Variants in USP1 observed in about 807,000 individuals in gnomAD.
USP1 encodes ubiquitin specific peptidase 1.
USP1 carries 18 observed loss-of-function variants against 72.2 expected under a neutral mutation model. The observed-to-expected ratio is 0.25, with a 90% confidence interval of 0.17 to 0.37. The LOEUF is 0.37. USP1 is among the 10% of genes least tolerant of loss of function. USP1 has a pLI of 1.00. For missense variants in USP1, 759 were observed against 884.9 expected, an observed-to-expected ratio of 0.86 and a Z score of 1.81; for synonymous variants, 354 against 303.7, an observed-to-expected ratio of 1.17 and a Z score of -1.72.
Position 62,451,132 on chromosome 1 carries a change from A to G in USP1, c.*151A>G. ...TTATATAAATAGTGAAATTTGAATT[A>G]CTGAAAACCATGTTAATTTTTAGAA... On this transcript the variant is annotated 3_prime_UTR_variant, in exon 9 of 9. Transcript: ENST00000339950. The G allele has an allele frequency of 1.3e-6, 1 of 792,126 alleles. No homozygotes were observed. The highest frequency in any genetic ancestry group is 1.8e-6 in the Non-Finnish European group (1 of 553,196). 49.1% of individuals were successfully genotyped at this position (792,126 alleles called of 1,614,324 possible). A position where few individuals can be genotyped will look rare whatever the true frequency, so the allele number is the denominator to read the frequency against.
intron 5 of USP1, 142 bp from the exon 6 acceptor site, chr1:62,444,596 C>A: frequency 3.2e-6 from 2 of 634,280 alleles, no homozygotes; most frequent in Non-Finnish European, 4.7e-6. Flanking sequence ...ATAAGAAATT[C>A]CAAATTAGTG....
At chr1:62,440,920 C>T (rs780140182) in intron 2 of USP1, among the ~76,000 whole-genome samples, 3 of 151,868 alleles carry the variant, frequency 2.0e-5, no homozygotes, top group African/African-American at 7.3e-5. Context: ...TTCCTGGGCT[C>T]GAGCAGTCCT....
chr1:62,438,237 CCA>C (rs1177622973), intron 1 of USP1, among the ~76,000 whole-genome samples: 2 of 151,986 alleles, frequency 1.3e-5, no homozygotes, highest in African/African-American at 4.8e-5. Context: ...GGTTTGAGAT[CCA>C]GTTTCTGTCA....
rs1177815216 is a variant in USP1, at chr1:62,445,275, A to C, written c.1095A>C (p.Gln365His). 3.1e-6 allele frequency: 5 copies of C among 1,613,388 alleles called. No individual in the cohort carries two copies. The highest frequency in any genetic ancestry group is 4.2e-6 in the Non-Finnish European group (5 of 1,179,836). ...FCSLGKITTN[Q>H]GVKGQSKENE... ...GTCTGGGAAAAATAACAACAAACCA[A>C]GGAGTCAAAGGACAATCTAAAGAAA... The change falls in exon 6 of 9, where the codon CAA (glutamine) becomes CAC (histidine). Residue 365 changes from glutamine (Q) to histidine (H), a missense_variant. Physicochemically the swap from Gln to His is conservative, Grantham distance 24. This residue lies in a region of USP1 where 245 missense variants were observed against 240.7 expected (regional missense o/e 1.02). Transcript: ENST00000339950.
chr1:62,443,629 G>A (rs545209343), intron 5 of USP1, among the ~76,000 whole-genome samples: 2 of 152,044 alleles, frequency 1.3e-5, no homozygotes, highest in Non-Finnish European at 2.9e-5. Context: ...ATATCAAGTC[G>A]GTGATAAATA....
At chr1:62,438,911 G>T (rs562924021) in intron 1 of USP1, among the ~76,000 whole-genome samples, 1 of 152,064 alleles carries the variant, frequency 6.6e-6, no homozygotes, top group Non-Finnish European at 1.5e-5. Flanking sequence ...TTTTTATCAC[G>T]GTCTCAACTT....
At position 62,450,528 on chromosome 1, in the gene USP1, G is replaced by A. The variant is rs1334791824; in HGVS notation, c.1905G>A (p.Val635=). The A allele has an allele frequency of 1.2e-6, 2 of 1,613,806 alleles. No individual in the cohort carries two copies. The highest frequency in any genetic ancestry group is 1.7e-5 in the Admixed American group (1 of 59,998). Residue 635 remains valine (V), a synonymous_variant, in exon 9 of 9, where the codon GTG becomes GTA. Transcript: ENST00000339950. ...EPLNEEEARG[V]VENYNDEEVS... ...TGAATGAGGAGGAAGCAAGGGGTGT[G>A]GTTGAGAATTATAATGATGAAGAAG...
In USP1 at chr1:62,437,275, G is replaced by T; in HGVS notation, c.-195G>T. On this transcript the variant is annotated 5_prime_UTR_variant, in exon 1 of 9. Transcript: ENST00000339950. ...CACTCCCCCGCGGGGAGGGCGAGCC[G>T]ACCAGATTTTCCTGGGGCCGGGGAC... is the stretch of plus-strand genomic sequence containing the variant. 2.5e-6 allele frequency: 1 copy of T among 397,724 alleles called. No homozygotes were observed. The highest frequency in any genetic ancestry group is 1.4e-4 in the South Asian group (1 of 7,286). 24.6% of individuals were successfully genotyped at this position (397,724 alleles called of 1,614,324 possible). A position where few individuals can be genotyped will look rare whatever the true frequency, so the allele number is the denominator to read the frequency against.
intron 1 of USP1, among the ~76,000 whole-genome samples, chr1:62,438,189 A>G (rs994810160): frequency 2.0e-5 from 3 of 152,074 alleles, no homozygotes; most frequent in Non-Finnish European, 4.4e-5. Context: ...TCACCTGCCT[A>G]ATCATTCTTC....
In USP1 at chr1:62,451,188, A is replaced by C; in HGVS notation, c.*207A>C. The C allele has an allele frequency of 2.2e-6, 1 of 450,608 alleles. No individual in the cohort carries two copies. The highest frequency in any genetic ancestry group is 3.7e-6 in the Non-Finnish European group (1 of 272,354). The allele number at this position is 450,608 out of a possible 1,614,324, so 27.9% of individuals were successfully genotyped here. On this transcript the variant is annotated 3_prime_UTR_variant, in exon 9 of 9. Transcript: ENST00000339950. ...TTTCCTCAGTAGAGACTAGTGATGC[A>C]TTAGCTTCTGGGAACAAACTTGTAT...
chr1:62,437,332 G>A lies in USP1; in HGVS notation c.-138G>A, dbSNP rs2149203032. On this transcript the variant is annotated 5_prime_UTR_variant, in exon 1 of 9. Coordinates refer to ENST00000339950, the MANE Select transcript of USP1 (RefSeq NM_003368.5). Reference sequence around the variant, plus strand: ...GGCTCGGGGCAGGGACTCACCTGTCGCACCCACACTCATTCGGGTTGGACT... The same window carrying A: ...GGCTCGGGGCAGGGACTCACCTGTCACACCCACACTCATTCGGGTTGGACT... 2.5e-6 allele frequency: 1 copy of A among 395,724 alleles called. No homozygotes were observed. Among genetic ancestry groups the A allele is most frequent in the East Asian group, 3.6e-5 (1 of 27,958 alleles). The allele number at this position is 395,724 out of a possible 1,614,324, so 24.5% of individuals were successfully genotyped here.
At chr1:62,441,000 G>T (rs987791732) in intron 2 of USP1, among the ~76,000 whole-genome samples, 4 of 143,836 alleles carry the variant, frequency 2.8e-5, no homozygotes, top group African/African-American at 1.1e-4. Flanking sequence ...TTAAGTGAGG[G>T]ATAGCTACAT....
chr1:62,450,839 G>A lies in USP1; in HGVS notation c.2216G>A (p.Ser739Asn). 6.2e-7 allele frequency: 1 copy of A among 1,614,068 alleles called. No individual in the cohort carries two copies. The highest frequency in any genetic ancestry group is 8.5e-7 in the Non-Finnish European group (1 of 1,179,990). ...AACAAAATTTCATACGTAGTGCAAAGCTTAAAGGAGTATGAGGGGAAGTGG... is the reference window on the plus strand; with the variant it reads ...AACAAAATTTCATACGTAGTGCAAAACTTAAAGGAGTATGAGGGGAAGTGG... ...FENKISYVVQ[S>N]LKEYEGKWLL... The change falls in exon 9 of 9, where the codon AGC becomes AAC. Residue 739 changes from serine (S) to asparagine (N), a missense_variant. By Grantham distance (46) the Ser-to-Asn change is conservative (BLOSUM62 1). Coordinates refer to ENST00000339950, the MANE Select transcript of USP1 (RefSeq NM_003368.5).
At chr1:62,441,221 TCTA>T (rs1645132160) in intron 2 of USP1, among the ~76,000 whole-genome samples, 1 of 152,208 alleles carries the variant, frequency 6.6e-6, no homozygotes, top group Admixed American at 6.5e-5. Flanking sequence ...TCCTCAATTT[TCTA>T]CTCTGTAAAA....
Position 62,451,138 on chromosome 1 carries a change from A to C in USP1, c.*157A>C. On this transcript the variant is annotated 3_prime_UTR_variant, in exon 9 of 9. Transcript: ENST00000339950. The stretch of plus-strand genomic sequence containing the variant: ...AAATAGTGAAATTTGAATTACTGAA[A>C]ACCATGTTAATTTTTAGAACTCATT... The C allele has an allele frequency of 2.6e-6, 2 of 773,732 alleles. No individual in the cohort carries two copies. Among genetic ancestry groups the C allele is most frequent in the South Asian group, 3.1e-5 (1 of 32,512 alleles). 47.9% of individuals were successfully genotyped at this position (773,732 alleles called of 1,614,324 possible).
rs1276176100 is a variant in USP1, at chr1:62,451,565, TTATG to T, written c.*585_*588del. The T allele has an allele frequency of 1.3e-5, 2 of 152,810 alleles. No individual in the cohort carries two copies. Among genetic ancestry groups the T allele is most frequent in the Non-Finnish European group, 2.9e-5 (2 of 68,178 alleles). 9.5% of individuals were successfully genotyped at this position (152,810 alleles called of 1,614,324 possible). The stretch of plus-strand genomic sequence containing the variant: ...TTCTACACAAGAATTTTATATGTAT[TTATG>T]AAGATGATTCTGTACCCTAGTATAT... On this transcript the variant is annotated 3_prime_UTR_variant, in exon 9 of 9. Transcript: ENST00000339950.
intron 1 of USP1, among the ~76,000 whole-genome samples, chr1:62,438,490 T>TC (rs1383987133): frequency 6.6e-6 from 1 of 152,188 alleles, no homozygotes; most frequent in Admixed American, 6.5e-5. Flanking sequence ...AATTCCTAGA[T>TC]CAGTGTCAGC....
intron 3 of USP1, 151 bp downstream of exon 3, chr1:62,441,759 CAT>C (rs1557554009): frequency 9.9e-7 from 1 of 1,009,506 alleles, no homozygotes; most frequent in Non-Finnish European, 1.4e-6. Flanking sequence ...TAATAAGTTA[CAT>C]GTTATTAAAC....
rs953377717 is a variant in USP1, at chr1:62,450,126, G to A, written c.1623-120G>A. On this transcript the variant is annotated intron_variant, in intron 8 of 8. Coordinates refer to ENST00000339950, the MANE Select transcript of USP1 (RefSeq NM_003368.5). ...GGTCTTGTTTTGATTCTGCTTTTCT[G>A]ATATATGAACACTGGATATTAAGGG... 53 of 1,230,350 alleles carry A rather than the reference G, an allele frequency of 4.3e-5. No homozygotes were observed. The African/African-American group carries it at 7.4e-4, about 17-fold the overall frequency. 76.2% of individuals were successfully genotyped at this position (1,230,350 alleles called of 1,614,324 possible).
Sources: gnomAD v4.1 joint callset for allele counts (sites outside exome capture counted in the v4.1 genomes callset) on GRCh38, gnomAD v4.1.1 for gene constraint, gnomAD v4.1.1 regional missense constraint, MANE v1.5 for transcripts, NCBI Gene and HGNC (gene_info 2026-07-23, HGNC 2026-07-21) for gene names.